SRFBP1: variants seen among roughly 807,000 people sequenced by gnomAD.
SRFBP1 encodes the protein serum response factor binding protein 1.
In SRFBP1, 47 loss-of-function variants were observed where a neutral mutation model predicts 45.5. The observed-to-expected ratio is 1.03, with a 90% CI of 0.82 to 1.32. The LOEUF (loss-of-function observed/expected upper bound fraction) is 1.32, where lower values mean the gene tolerates loss of function less well. SRFBP1 is among the 40% of genes most tolerant of loss of function. The pLI, the probability that SRFBP1 is intolerant of heterozygous loss-of-function variation, is 0.00. For missense variants in SRFBP1, 621 were observed against 484.6 expected (o/e 1.28, Z -2.64); for synonymous variants, 203 against 166.3 (o/e 1.22, Z -1.70).
chr5:122,023,861 A>G (rs1753414267), intron 7 of SRFBP1, among the ~76,000 whole-genome samples: 1 of 152,204 alleles, frequency 6.6e-6, no homozygotes, highest in Admixed American at 6.5e-5. Context: ...TACCGTACTG[A>G]AAATTCTTTC....
At chr5:121,997,801 A>G (rs1752762923) in intron 4 of SRFBP1, among the ~76,000 whole-genome samples, 2 of 151,858 alleles carry the variant, frequency 1.3e-5, no homozygotes, top group Non-Finnish European at 2.9e-5. Context: ...TCTACAATGA[A>G]CTCAAACAAA....
In SRFBP1 at chr5:122,037,497, T is replaced by C. The variant is rs1005657071; in HGVS notation, n.311+15090T>C. Among the ~76,000 whole-genome samples, 6 of 152,306 alleles carry C rather than the reference T, an allele frequency of 3.9e-5. No individual in the cohort carries two copies. In the East Asian group the frequency reaches 1.2e-3, roughly 29 times the overall value. On this transcript the variant is annotated intron_variant and non_coding_transcript_variant, in intron 2 of 2. Coordinates refer to the SRFBP1 transcript ENST00000504881. ...ATAGCTATATGTTTAAATGTAGCTC[T>C]TCTCTTTTTATTTTATTTTTTTCAT...
chr5:122,072,671 A>G (rs1258318017), intron 2 of SRFBP1, among the ~76,000 whole-genome samples: 1 of 152,218 alleles, frequency 6.6e-6, no homozygotes, highest in Non-Finnish European at 1.5e-5. Flanking sequence ...GATCTAATGA[A>G]AAAAACAAAT....
chr5:122,037,404 G>T (rs2112726387), intron 2 of SRFBP1, among the ~76,000 whole-genome samples: 1 of 152,290 alleles, frequency 6.6e-6, no homozygotes, highest in Non-Finnish European at 1.5e-5. Context: ...TGCAGGTAGG[G>T]TAAACTCCCA....
At chr5:122,014,956 A>G (rs1753167455) in intron 4 of SRFBP1, among the ~76,000 whole-genome samples, 1 of 152,218 alleles carries the variant, frequency 6.6e-6, no homozygotes, top group African/African-American at 2.4e-5. Flanking sequence ...AATACATTTT[A>G]ATCAAAATCT....
chr5:122,071,288 G>GCA (rs1754445004), intron 2 of SRFBP1, among the ~76,000 whole-genome samples: 1 of 151,524 alleles, frequency 6.6e-6, no homozygotes, highest in Admixed American at 6.6e-5. Context: ...GAAAACTAAG[G>GCA]CACACTAAGA....
intron 2 of SRFBP1, among the ~76,000 whole-genome samples, chr5:122,047,622 A>G (rs1241705175): frequency 1.3e-5 from 2 of 152,114 alleles, no homozygotes; most frequent in Admixed American, 6.5e-5. Context: ...CATTGAATCT[A>G]TAAATTACCT....
intron 4 of SRFBP1, among the ~76,000 whole-genome samples, chr5:121,999,356 C>T (rs1289186690): frequency 2.0e-5 from 3 of 151,978 alleles, no homozygotes; most frequent in Non-Finnish European, 4.4e-5. Context: ...CTATTCTTTT[C>T]AATGTTGTAC....
At chr5:122,026,077 A>C (rs1753473408) in intron 7 of SRFBP1, among the ~76,000 whole-genome samples, 1 of 152,328 alleles carries the variant, frequency 6.6e-6, no homozygotes, top group East Asian at 1.9e-4. Flanking sequence ...GCAACAGAGC[A>C]AGACTCCGTC....
rs1219413710 is a variant in SRFBP1 at position 122,015,688 on chromosome 5, G to T, written c.271-3572G>T. On this transcript the variant is annotated intron_variant, in intron 4 of 7. Transcript: ENST00000339397. ...CCCATGGGCCAGTTTGCCAATTCCT[G>T]GTTTTGAAAATCAAATACTTCTACA... Among the ~76,000 whole-genome samples the T allele has an allele frequency of 3.3e-5, 5 of 152,220 alleles. No homozygotes were observed. The South Asian group carries it at 1.0e-3, about 31-fold the overall frequency.
chr5:121,994,515 G>A (rs1447385730), intron 3 of SRFBP1, 84 bp from the exon 4 acceptor site: 1 of 833,740 alleles, frequency 1.2e-6, no homozygotes, highest in Non-Finnish European at 1.9e-6. Context: ...TTAATATTAA[G>A]TTTCTTAAGA....
intron 3 of SRFBP1, among the ~76,000 whole-genome samples, chr5:121,978,653 G>T (rs1411437118): frequency 6.6e-6 from 1 of 152,060 alleles, no homozygotes. Flanking sequence ...CATCATGCCT[G>T]GCTAACTTTT....
At position 122,020,781 on chromosome 5, in the gene SRFBP1, C is replaced by G. The variant is rs1346814056; in HGVS notation, c.1046C>G (p.Ser349Cys). ...KLESVFFHSL[S>C]GSKSSRRNFK... ...GAATCAGTGTTTTTCCACTCTTTATCTGGATCTAAAAGCTCTAGAAGGTAA... is the reference window on the plus strand; with the variant it reads ...GAATCAGTGTTTTTCCACTCTTTATGTGGATCTAAAAGCTCTAGAAGGTAA... Residue 349 changes from serine (S) to cysteine (C), a missense_variant, in exon 6 of 8, where the codon TCT becomes TGT. Transcript: ENST00000339397. 2 of 1,574,894 alleles carry G rather than the reference C, an allele frequency of 1.3e-6. No homozygotes were observed. Among genetic ancestry groups the G allele is most frequent in the Admixed American group, 4.0e-5 (2 of 50,242 alleles).
chr5:122,033,370 C>G (rs918142226), downstream of SRFBP1, among the ~76,000 whole-genome samples: 11 of 151,994 alleles, frequency 7.2e-5, no homozygotes, highest in African/African-American at 2.7e-4. Context: ...TTTTTATTTC[C>G]TTTTGTTCCA....
chr5:122,004,764 T>G (rs1482504858), intron 4 of SRFBP1, among the ~76,000 whole-genome samples: 1 of 152,172 alleles, frequency 6.6e-6, no homozygotes, highest in Non-Finnish European at 1.5e-5. Context: ...TTGAGATCTC[T>G]TTTGATGTAT....
intron 4 of SRFBP1, among the ~76,000 whole-genome samples, chr5:122,007,477 A>T (rs905923592): frequency 2.6e-5 from 4 of 151,886 alleles, no homozygotes; most frequent in Non-Finnish European, 4.4e-5. Context: ...AGCCACTGGG[A>T]CTGGTCTGGA....
chr5:121,973,726 A>G, intron 1 of SRFBP1, among the ~76,000 whole-genome samples: 1 of 151,956 alleles, frequency 6.6e-6, no homozygotes, highest in East Asian at 1.9e-4. Flanking sequence ...AAAAATAATG[A>G]AAGATTTGTT....
intron 4 of SRFBP1, among the ~76,000 whole-genome samples, chr5:121,998,798 A>G (rs1752792054): frequency 1.3e-5 from 2 of 152,294 alleles, no homozygotes; most frequent in Middle Eastern, 3.4e-3. Context: ...GAACCCAAAA[A>G]GAATTAAATT....
At chr5:122,030,513 A>G (rs1258055832), downstream of SRFBP1, among the ~76,000 whole-genome samples, 6 of 152,108 alleles carry the variant, frequency 3.9e-5, no homozygotes, top group South Asian at 4.1e-4. Flanking sequence ...TTAACTTGCA[A>G]TGCTATATTT....
Sources: allele counts gnomAD v4.1 joint callset (sites outside exome capture counted in the v4.1 genomes callset), GRCh38; gene constraint gnomAD v4.1.1; transcripts MANE v1.5; gene names NCBI Gene and HGNC (gene_info 2026-07-23, HGNC 2026-07-21).